The following ABCA13 variants were observed in gnomAD, a reference collection of about 807,000 sequenced individuals.
ABCA13 encodes the protein ATP-binding cassette sub-family A member 13.
Under a neutral mutation model 478.7 loss-of-function variants are expected in ABCA13, and 476 were observed. The observed-to-expected ratio is 0.99, with a 90% CI of 0.92 to 1.07. The LOEUF (loss-of-function observed/expected upper bound fraction) is 1.07. Ranked by LOEUF, ABCA13 falls within the 50% of genes least tolerant of loss-of-function variation. The pLI is 0.00. For synonymous variants in ABCA13, 2,252 were observed against 2,158.9 expected, an observed-to-expected ratio of 1.04 and a Z score of -1.20; for missense variants, 6,060 against 5,910.6, an observed-to-expected ratio of 1.03 and a Z score of -0.83.
intron 3 of ABCA13, among the ~76,000 whole-genome samples, chr7:48,200,479 T>C (rs568325823): frequency 1.3e-5 from 2 of 152,362 alleles, no homozygotes; most frequent in South Asian, 4.1e-4. Context: ...TCAGGGGTTA[T>C]AAAAGCAACC....
chr7:48,249,894 A>G (rs1160206095), intron 15 of ABCA13, among the ~76,000 whole-genome samples: 1 of 151,306 alleles, frequency 6.6e-6, no homozygotes, highest in South Asian at 2.1e-4. Context: ...AATTCGATTC[A>G]ATTCTCGCAC....
At chr7:48,439,120 T>A (rs1163600531) in intron 42 of ABCA13, among the ~76,000 whole-genome samples, 7 of 152,190 alleles carry the variant, frequency 4.6e-5, no homozygotes. Context: ...ATTTATTTTC[T>A]CACAGTTTCT....
intron 45 of ABCA13, among the ~76,000 whole-genome samples, chr7:48,477,375 C>T (rs1828223026): frequency 6.6e-6 from 1 of 152,022 alleles, no homozygotes; most frequent in African/African-American, 2.4e-5. Flanking sequence ...TTTGAGCCAG[C>T]CATCCCATTA....
At chr7:48,496,382 CT>C (rs140102233) in intron 48 of ABCA13, among the ~76,000 whole-genome samples, 2,650 of 152,044 alleles carry the variant, frequency 0.017, 69 homozygotes, top group African/African-American at 0.06. Flanking sequence ...CCCTGTTTAC[CT>C]TTAAAATATT....
chr7:48,609,771 A>G (rs73694695), intron 58 of ABCA13, among the ~76,000 whole-genome samples: 15,268 of 152,216 alleles, frequency 0.1, 1,289 homozygotes, highest in African/African-American at 0.23. Context: ...ACGTGGCCAG[A>G]GAAGGAGAAA....
chr7:48,343,314 G>T (rs1336412743), intron 29 of ABCA13, among the ~76,000 whole-genome samples: 1 of 152,176 alleles, frequency 6.6e-6, no homozygotes, highest in Non-Finnish European at 1.5e-5. Context: ...GTGGATTGAT[G>T]GAGGTAGACT....
At chr7:48,486,681 G>T (rs1420691816) in intron 47 of ABCA13, among the ~76,000 whole-genome samples, 2 of 152,084 alleles carry the variant, frequency 1.3e-5, no homozygotes, top group African/African-American at 4.8e-5. Context: ...AAGCTCAGTG[G>T]CCTCCACAAT....
intron 15 of ABCA13, among the ~76,000 whole-genome samples, chr7:48,259,029 A>G (rs1432491287): frequency 6.6e-6 from 1 of 151,796 alleles, no homozygotes; most frequent in Non-Finnish European, 1.5e-5. Context: ...ATGGCCAATA[A>G]TGTGGTTGAT....
At chr7:48,615,915 C>T (rs1792524568) in intron 59 of ABCA13, among the ~76,000 whole-genome samples, 1 of 152,188 alleles carries the variant, frequency 6.6e-6, no homozygotes, top group Admixed American at 6.5e-5. Flanking sequence ...TATATTTCTT[C>T]CTGGTTAATT....
chr7:48,636,826 G>A (rs1794676593), intron 59 of ABCA13, among the ~76,000 whole-genome samples: 1 of 152,142 alleles, frequency 6.6e-6, no homozygotes, highest in Non-Finnish European at 1.5e-5. Context: ...CAGGCATCCA[G>A]TTGGAAAGTT....
At chr7:48,590,670 T>C (rs924534463) in intron 57 of ABCA13, among the ~76,000 whole-genome samples, 2 of 152,172 alleles carry the variant, frequency 1.3e-5, no homozygotes, top group African/African-American at 4.8e-5. Context: ...CTTTTAACAA[T>C]AGCCATTCTA....
chr7:48,358,229 G>A (rs1282406365), intron 31 of ABCA13, among the ~76,000 whole-genome samples: 1 of 50,410 alleles, frequency 2.0e-5, no homozygotes, highest in Non-Finnish European at 4.6e-5. Context: ...AGGAAGGGGA[G>A]GGGAGGGGAG....
At chr7:48,500,853 C>T (rs1563357842) in intron 48 of ABCA13, among the ~76,000 whole-genome samples, 1 of 152,186 alleles carries the variant, frequency 6.6e-6, no homozygotes, top group Non-Finnish European at 1.5e-5. Flanking sequence ...TCCCACCCTG[C>T]TGCACCCAAC....
rs751010145 is a variant in ABCA13 at position 48,248,234 on chromosome 7, T to C, written c.1660-5T>C. 1 of 1,609,158 alleles carries C rather than the reference T, an allele frequency of 6.2e-7. No individual in the cohort carries two copies. The highest frequency in any genetic ancestry group is 1.7e-4 in the Middle Eastern group (1 of 6,046). On this transcript the variant is annotated splice_region_variant and splice_polypyrimidine_tract_variant and intron_variant, in intron 13 of 61. Coordinates refer to ENST00000435803, the MANE Select transcript of ABCA13 (RefSeq NM_152701.5). ...TTATAAGCAATATCTTCTTTTCTTG[T>C]TAAGGATCGTATTTTGCAAGAGGTC...
At chr7:48,615,258 A>G (rs1323271353) in intron 58 of ABCA13, 27 bp from the exon 59 acceptor site, 1 of 1,308,102 alleles carries the variant, frequency 7.6e-7, no homozygotes, top group Non-Finnish European at 1.0e-6. Context: ...GAAATGGCTC[A>G]TTTTTGTCTC....
At chr7:48,433,405 T>G (rs1822404680) in intron 42 of ABCA13, among the ~76,000 whole-genome samples, 1 of 150,244 alleles carries the variant, frequency 6.7e-6, no homozygotes, top group Non-Finnish European at 1.5e-5. Context: ...AAATATCAAA[T>G]GGAAAATTAA....
rs776357057 is a variant in ABCA13, at chr7:48,427,881, G to A, written c.12565+10G>A. The stretch of plus-strand genomic sequence containing the variant: ...CATCTGTCTGGCTACTGTAAGTACA[G>A]AATGGCTTCCTGCATTTCTGCTGGA... On this transcript the variant is annotated intron_variant, in intron 42 of 61. Transcript: ENST00000435803. The A allele has an allele frequency of 7.1e-6, 11 of 1,549,686 alleles. No homozygotes were observed. The highest frequency in any genetic ancestry group is 9.6e-6 in the Non-Finnish European group (11 of 1,141,910).
intron 42 of ABCA13, among the ~76,000 whole-genome samples, chr7:48,448,398 C>T (rs1585367264): frequency 6.6e-6 from 1 of 152,238 alleles, no homozygotes; most frequent in Admixed American, 6.5e-5. Context: ...TCCCTGATTC[C>T]CTGAATGTCA....
chr7:48,252,233 A>G (rs967246388), intron 15 of ABCA13, among the ~76,000 whole-genome samples: 2 of 151,862 alleles, frequency 1.3e-5, no homozygotes, highest in African/African-American at 4.8e-5. Context: ...TGATTGTTTC[A>G]CATGGCCCAT....
Sources: gnomAD v4.1 joint callset for allele counts (sites outside exome capture counted in the v4.1 genomes callset) on GRCh38, gnomAD v4.1.1 for gene constraint, MANE v1.5 for transcripts, NCBI Gene and HGNC (gene_info 2026-07-23, HGNC 2026-07-21) for gene names.